Variants in JAKMIP2 observed in about 807,000 individuals in gnomAD.
JAKMIP2 encodes janus kinase and microtubule interacting protein 2.
A neutral mutation model predicts 115.0 loss-of-function variants in JAKMIP2; 25 were observed. The ratio of observed to expected loss-of-function variants is 0.22; its 90% CI spans 0.16 to 0.30. The LOEUF is 0.30. Ranked by LOEUF, JAKMIP2 falls within the 10% of genes least tolerant of loss-of-function variation. The probability of loss-of-function intolerance (pLI) is 1.00; values close to 1 mark genes in which losing one functional copy is unlikely to be tolerated. For synonymous variants in JAKMIP2, 334 were observed against 343.6 expected (o/e 0.97, Z 0.31); for missense variants, 642 against 957.6 (o/e 0.67, Z 4.35).
intron 10 of JAKMIP2, among the ~76,000 whole-genome samples, chr5:147,637,802 G>T (rs1190325750): frequency 1.3e-5 from 2 of 152,016 alleles, no homozygotes; most frequent in African/African-American, 4.8e-5. Context: ...ATCATATTTT[G>T]TGTGTCTGTG....
chr5:147,692,375 G>A (rs1751900480), intron 1 of JAKMIP2, among the ~76,000 whole-genome samples: 2 of 152,138 alleles, frequency 1.3e-5, no homozygotes, highest in African/African-American at 4.8e-5. Context: ...ACTGTGAGAG[G>A]ATACATTTCT....
At chr5:147,636,197 C>G in intron 12 of JAKMIP2, 25 bp downstream of exon 12, 1 of 1,599,440 alleles carries the variant, frequency 6.3e-7, no homozygotes, top group Non-Finnish European at 8.6e-7. Flanking sequence ...TCCTCTGCCC[C>G]GCTAGGGTGT....
chr5:147,675,347 A>G (rs1407697089), intron 1 of JAKMIP2, among the ~76,000 whole-genome samples: 1 of 152,078 alleles, frequency 6.6e-6, no homozygotes, highest in East Asian at 1.9e-4. Flanking sequence ...CTTCATATCC[A>G]TGGTCCTATA....
chr5:147,654,972 G>T (rs373280362), intron 3 of JAKMIP2, among the ~76,000 whole-genome samples: 1,965 of 152,162 alleles, frequency 0.013, 20 homozygotes, highest in South Asian at 0.064. Flanking sequence ...ATGTGGTTTT[G>T]GTCATTGGTT....
intron 1 of JAKMIP2, among the ~76,000 whole-genome samples, chr5:147,690,408 T>C (rs1021702286): frequency 7.3e-5 from 11 of 151,532 alleles, no homozygotes; most frequent in East Asian, 3.9e-4. Context: ...TAAATTACTA[T>C]GCAATAGTTT....
At chr5:147,620,211 C>T (rs554443798) in intron 18 of JAKMIP2, among the ~76,000 whole-genome samples, 7 of 152,224 alleles carry the variant, frequency 4.6e-5, no homozygotes, top group Admixed American at 2.0e-4. Flanking sequence ...CCTCCCTCCT[C>T]AGCCTCCTTA....
intron 1 of JAKMIP2, among the ~76,000 whole-genome samples, chr5:147,732,238 C>T (rs1400533458): frequency 6.6e-6 from 1 of 152,140 alleles, no homozygotes; most frequent in South Asian, 2.1e-4. Flanking sequence ...ACTTAATAGA[C>T]TCTGTATAAA....
chr5:147,752,876 G>T (rs530559057), intron 1 of JAKMIP2, among the ~76,000 whole-genome samples: 1 of 152,160 alleles, frequency 6.6e-6, no homozygotes, highest in Non-Finnish European at 1.5e-5. Context: ...TGCTGAGATG[G>T]GGAGTTCTGG....
At chr5:147,638,476 C>T (rs549566468) in intron 10 of JAKMIP2, among the ~76,000 whole-genome samples, 1 of 152,156 alleles carries the variant, frequency 6.6e-6, no homozygotes, top group Admixed American at 6.5e-5. Flanking sequence ...TATATGACAG[C>T]CTACAGGCAC....
At chr5:147,644,596 C>T (rs929024953) in intron 6 of JAKMIP2, among the ~76,000 whole-genome samples, 1 of 152,322 alleles carries the variant, frequency 6.6e-6, no homozygotes, top group Admixed American at 6.5e-5. Flanking sequence ...TCAAAGCTTT[C>T]CTTCTCCATT....
intron 11 of JAKMIP2, 61 bp from the exon 12 acceptor site, chr5:147,636,345 G>A: frequency 7.1e-7 from 1 of 1,410,504 alleles, no homozygotes; most frequent in Non-Finnish European, 1.0e-6. Context: ...AGCCTGTGTT[G>A]TCAAACCACT....
intron 12 of JAKMIP2, among the ~76,000 whole-genome samples, chr5:147,635,812 C>T (rs912905214): frequency 6.6e-6 from 1 of 152,192 alleles, no homozygotes; most frequent in Non-Finnish European, 1.5e-5. Flanking sequence ...CCACCCACCT[C>T]GGCCTCCCAA....
Position 147,675,783 on chromosome 5 carries a change from ATTT to A in JAKMIP2, c.-148-3832_-148-3830del, listed in dbSNP as rs1245892919. Among the ~76,000 whole-genome samples the A allele has an allele frequency of 1.9e-3, 185 of 99,202 alleles. 2 individuals are homozygous for A. The highest frequency in any genetic ancestry group is 5.7e-3 in the African/African-American group (166 of 29,216). 65.1% of individuals were successfully genotyped at this position (99,202 alleles called of 152,430 possible). ...TTTTGTATAAGTGGAATCATATGACATTTTTTTTTTTTTTTTTTTTTTGTGACT... is the reference window on the plus strand; with the variant it reads ...TTTTGTATAAGTGGAATCATATGACATTTTTTTTTTTTTTTTTTTGTGACT... On this transcript the variant is annotated intron_variant, in intron 1 of 21. Coordinates refer to ENST00000616793, the MANE Select transcript of JAKMIP2 (RefSeq NM_001270941.2).
chr5:147,642,716 T>C (rs1283854328), intron 7 of JAKMIP2, among the ~76,000 whole-genome samples: 3 of 152,246 alleles, frequency 2.0e-5, no homozygotes, highest in Non-Finnish European at 2.9e-5. Flanking sequence ...ATGAGACTTT[T>C]ACAATTTACA....
chr5:147,638,490 C>G (rs1046970901), intron 10 of JAKMIP2, among the ~76,000 whole-genome samples: 2 of 152,190 alleles, frequency 1.3e-5, no homozygotes, highest in African/African-American at 4.8e-5. Flanking sequence ...CAGGCACATT[C>G]CTTTGTAATG....
intron 12 of JAKMIP2, 98 bp downstream of exon 12, chr5:147,636,124 C>A: frequency 1.1e-6 from 1 of 932,850 alleles, no homozygotes. Flanking sequence ...GCCTCCCCTT[C>A]CCCTGGCCCC....
At chr5:147,594,706 G>A (rs571056381) in intron 21 of JAKMIP2, among the ~76,000 whole-genome samples, 4 of 152,168 alleles carry the variant, frequency 2.6e-5, no homozygotes, top group South Asian at 4.1e-4. Flanking sequence ...GGGCACCACC[G>A]TTTAACCAGT....
chr5:147,761,898 G>A (rs1264628998), intron 1 of JAKMIP2, among the ~76,000 whole-genome samples: 1 of 152,120 alleles, frequency 6.6e-6, no homozygotes, highest in African/African-American at 2.4e-5. Context: ...GATATTGGTA[G>A]TTACTAAGCT....
chr5:147,721,642 C>T (rs1753302615), intron 1 of JAKMIP2, among the ~76,000 whole-genome samples: 1 of 152,196 alleles, frequency 6.6e-6, no homozygotes, highest in South Asian at 2.1e-4. Flanking sequence ...CTTTCTTTGA[C>T]TCGGAAAGGG....
Sources: allele counts gnomAD v4.1 joint callset (sites outside exome capture counted in the v4.1 genomes callset), GRCh38; gene constraint gnomAD v4.1.1; transcripts MANE v1.5; gene names NCBI Gene and HGNC (gene_info 2026-07-23, HGNC 2026-07-21).